The following CCDC148 variants were observed in gnomAD, a reference collection of about 807,000 sequenced individuals.
CCDC148 encodes the protein coiled-coil domain containing 148.
A neutral mutation model predicts 85.7 loss-of-function variants in CCDC148; 89 were observed. That is an observed-to-expected ratio of 1.04 (90% CI 0.87 to 1.24). CCDC148 has a LOEUF of 1.24. Ranked by LOEUF, CCDC148 falls within the 50% of genes most tolerant of loss-of-function variation. The pLI is 0.00. For missense variants in CCDC148, 692 were observed against 671.7 expected (o/e 1.03, Z -0.33); for synonymous variants, 230 against 213.9 (o/e 1.08, Z -0.66).
At chr2:158,316,698 C>T (rs1333590358) in intron 7 of CCDC148, among the ~76,000 whole-genome samples, 4 of 152,120 alleles carry the variant, frequency 2.6e-5, no homozygotes, top group African/African-American at 4.8e-5. Flanking sequence ...TTCACATAGG[C>T]AGTAATAATG....
intron 9 of CCDC148, among the ~76,000 whole-genome samples, chr2:158,293,957 C>T (rs538885877): frequency 0.049 from 515 of 10,548 alleles, 12 homozygotes; most frequent in Non-Finnish European, 0.084. Flanking sequence ...TTCCCCTCTC[C>T]CTCCCTCCCT....
chr2:158,251,297 G>A (rs1276110524), intron 9 of CCDC148, among the ~76,000 whole-genome samples: 2 of 151,616 alleles, frequency 1.3e-5, no homozygotes, highest in African/African-American at 4.8e-5. Context: ...ATGCTTAAAA[G>A]TTTAAGAATC....
chr2:158,302,861 T>C (rs1311961738), intron 9 of CCDC148, among the ~76,000 whole-genome samples: 1 of 151,714 alleles, frequency 6.6e-6, no homozygotes, highest in African/African-American at 2.4e-5. Context: ...TGCTGCGGAA[T>C]TGAGTGCACA....
intron 11 of CCDC148, among the ~76,000 whole-genome samples, chr2:158,202,083 A>G (rs1202262634): frequency 1.3e-5 from 2 of 152,208 alleles, no homozygotes; most frequent in African/African-American, 4.8e-5. Flanking sequence ...AATTATTTGC[A>G]CTATTCTTAT....
At chr2:158,409,005 A>AT (rs1686142970) in intron 1 of CCDC148, among the ~76,000 whole-genome samples, 1 of 151,750 alleles carries the variant, frequency 6.6e-6, no homozygotes, top group Non-Finnish European at 1.5e-5. Context: ...ATTTTCGCCC[A>AT]TTTTTTCATA....
chr2:158,421,237 C>T (rs1287175692), intron 1 of CCDC148, among the ~76,000 whole-genome samples: 1 of 152,180 alleles, frequency 6.6e-6, no homozygotes, highest in Non-Finnish European at 1.5e-5. Flanking sequence ...ACCAAGCAGA[C>T]ATAATAGACA....
rs554144999 is a variant in CCDC148 at position 158,256,346 on chromosome 2, G to A, written c.1111-5434C>T. 1.6e-4 allele frequency among the ~76,000 whole-genome samples: 24 copies of A among 151,722 alleles called. No individual in the cohort carries two copies. The South Asian group carries it at 4.8e-3, about 30-fold the overall frequency. On this transcript the variant is annotated intron_variant, in intron 9 of 13. Transcript: ENST00000283233. ...GGGACTGGATCAGGTTACCCCTATA[G>A]TTCATTTAAGTTCTATTATTCTGAT...
At chr2:158,360,249 C>T (rs565960914) in intron 1 of CCDC148, among the ~76,000 whole-genome samples, 1 of 152,310 alleles carries the variant, frequency 6.6e-6, no homozygotes, top group East Asian at 1.9e-4. Context: ...GTGAGCGCAG[C>T]TTCAGCAAAC....
chr2:158,245,310 C>G (rs1688525681), intron 10 of CCDC148, among the ~76,000 whole-genome samples: 2 of 152,146 alleles, frequency 1.3e-5, no homozygotes, highest in Admixed American at 6.6e-5. Context: ...TCTACCAAAG[C>G]CATGTCTTTT....
intron 9 of CCDC148, among the ~76,000 whole-genome samples, chr2:158,308,608 C>T (rs1691810489): frequency 2.0e-5 from 3 of 152,212 alleles, no homozygotes; most frequent in Admixed American, 2.0e-4. Flanking sequence ...GTTGCACCAT[C>T]ATCTTCCTAC....
intron 10 of CCDC148, among the ~76,000 whole-genome samples, chr2:158,222,068 C>T (rs967282870): frequency 1.3e-5 from 2 of 152,096 alleles, no homozygotes; most frequent in Non-Finnish European, 2.9e-5. Context: ...TTCTGCATTA[C>T]CTTATTTTTG....
intron 1 of CCDC148, among the ~76,000 whole-genome samples, chr2:158,415,913 CTCTACACTG>C (rs1686479999): frequency 6.6e-6 from 1 of 152,332 alleles, no homozygotes; most frequent in African/African-American, 2.4e-5. Flanking sequence ...CACATTTCCC[CTCTACACTG>C]TCCTAGTGGA....
chr2:158,359,690 A>G (rs1683842579), intron 1 of CCDC148, among the ~76,000 whole-genome samples: 1 of 152,210 alleles, frequency 6.6e-6, no homozygotes, highest in South Asian at 2.1e-4. Flanking sequence ...TGCAACCCAC[A>G]GACCAGGAGA....
intron 7 of CCDC148, 137 bp downstream of exon 7, chr2:158,338,589 A>C: frequency 1.6e-6 from 1 of 625,226 alleles, no homozygotes; most frequent in Non-Finnish European, 2.6e-6. Context: ...CTATTCATCA[A>C]ATAGTCAGTC....
intron 7 of CCDC148, among the ~76,000 whole-genome samples, chr2:158,336,672 C>G (rs1682401904): frequency 6.6e-6 from 1 of 152,148 alleles, no homozygotes; most frequent in Non-Finnish European, 1.5e-5. Flanking sequence ...AATTTATGAA[C>G]TTTATATTCC....
At chr2:158,413,967 GA>G (rs1338868815) in intron 1 of CCDC148, among the ~76,000 whole-genome samples, 2 of 152,086 alleles carry the variant, frequency 1.3e-5, no homozygotes, top group South Asian at 2.1e-4. Context: ...AGGAATTACA[GA>G]AAAAACAGAC....
At chr2:158,388,833 T>C (rs537310282) in intron 1 of CCDC148, among the ~76,000 whole-genome samples, 1 of 152,284 alleles carries the variant, frequency 6.6e-6, no homozygotes, top group African/African-American at 2.4e-5. Flanking sequence ...TAATACTTTC[T>C]AGAGTTGTGA....
intron 1 of CCDC148, among the ~76,000 whole-genome samples, chr2:158,380,270 T>C (rs1684816789): frequency 6.6e-6 from 1 of 152,146 alleles, no homozygotes; most frequent in Non-Finnish European, 1.5e-5. Flanking sequence ...CATTAAATTA[T>C]GAGATACCCA....
rs554049896 is a variant in CCDC148 at position 158,285,569 on chromosome 2, C to T, written c.1110+23864G>A. 2.1e-4 allele frequency among the ~76,000 whole-genome samples: 31 copies of T among 149,834 alleles called. No individual in the cohort carries two copies. The South Asian group carries it at 6.1e-3, about 30-fold the overall frequency. On this transcript the variant is annotated intron_variant, in intron 9 of 13. Transcript: ENST00000283233. The stretch of plus-strand genomic sequence containing the variant: ...TTTTTGAGACGGAGTCTTGCTCTGT[C>T]GCCCAGGCTGGAGTGCAGTGGTGCA...
Sources: gnomAD v4.1 joint callset for allele counts (sites outside exome capture counted in the v4.1 genomes callset) on GRCh38, gnomAD v4.1.1 for gene constraint, MANE v1.5 for transcripts, NCBI Gene and HGNC (gene_info 2026-07-23, HGNC 2026-07-21) for gene names.